Variants in MATN2 observed in about 807,000 individuals in gnomAD.
MATN2 encodes matrilin 2, also known as matrilin-2.
A neutral mutation model predicts 103.2 loss-of-function variants in MATN2; 69 were observed. That is an observed-to-expected ratio of 0.67 (90% CI 0.55 to 0.82). The LOEUF (loss-of-function observed/expected upper bound fraction) is 0.82. Ranked by LOEUF, MATN2 falls within the 40% of genes least tolerant of loss-of-function variation. MATN2 has a pLI of 0.00. For missense variants in MATN2, 1,023 were observed against 1,211.5 expected (o/e 0.84, Z 2.31); for synonymous variants, 429 against 450.2 (o/e 0.95, Z 0.60).
intron 18 of MATN2, chr8:98,034,072 A>G (rs536019601): frequency 1.4e-5 from 6 of 427,666 alleles, no homozygotes; most frequent in Non-Finnish European, 2.3e-5. Context: ...CAGTACTCCA[A>G]ACTTTTCCTT....
chr8:97,994,177 A>C (rs1812491038), intron 6 of MATN2, among the ~76,000 whole-genome samples: 1 of 137,152 alleles, frequency 7.3e-6, no homozygotes, highest in South Asian at 2.7e-4. Context: ...GAGGGAAAGA[A>C]GAGGAGGAGG....
chr8:97,888,125 T>C lies in MATN2; in HGVS notation c.25T>C (p.Phe9Leu). 2 of 1,607,636 alleles carry C rather than the reference T, an allele frequency of 1.2e-6. No individual in the cohort carries two copies. The highest frequency in any genetic ancestry group is 1.1e-5 in the South Asian group (1 of 89,876). Residue 9 changes from phenylalanine to leucine, a missense_variant, in exon 2 of 19, where the codon TTT becomes CTT. Physicochemically the swap from Phe to Leu is conservative, Grantham distance 22 (BLOSUM62 0). Transcript: ENST00000254898. MEKMLAGC[F>L]LLILGQIVLL... is the part of the protein sequence containing the mutation. ...AATGGAAAAGATGCTCGCAGGCTGC[T>C]TTCTGCTGATCCTCGGACAGATCGT...
At chr8:97,895,271 G>A (rs903463294) in intron 2 of MATN2, among the ~76,000 whole-genome samples, 2 of 152,158 alleles carry the variant, frequency 1.3e-5, no homozygotes, top group African/African-American at 4.8e-5. Flanking sequence ...TGTGAAGGAC[G>A]GAAAGCAGAT....
chr8:98,035,710 TGAA>T lies in MATN2; in HGVS notation c.*1_*3del. 1 of 1,595,578 alleles carries T rather than the reference TGAA, an allele frequency of 6.3e-7. No individual in the cohort carries two copies. ...CCTGGAAAATCGCCTGAGATACAGATGAAGATTAGAAATCGCGACACATTTGTA... is the reference window on the plus strand; with the variant it reads ...CCTGGAAAATCGCCTGAGATACAGATGATTAGAAATCGCGACACATTTGTA... On this transcript the variant is annotated stop_retained_variant and 3_prime_UTR_variant, in exon 19 of 19. Transcript: ENST00000254898.
chr8:98,023,706 G>A (rs1813684031), intron 13 of MATN2, among the ~76,000 whole-genome samples: 1 of 152,048 alleles, frequency 6.6e-6, no homozygotes, highest in African/African-American at 2.4e-5. Flanking sequence ...AAATAAAGGT[G>A]TTGAGCCCAG....
At chr8:98,009,453 CT>C (rs529031873) in intron 10 of MATN2, among the ~76,000 whole-genome samples, 62 of 152,284 alleles carry the variant, frequency 4.1e-4, no homozygotes, top group South Asian at 2.3e-3. Flanking sequence ...GTCCTTGGCT[CT>C]TTATAGAGGC....
chr8:97,975,603 T>C (rs1197021106), intron 5 of MATN2, among the ~76,000 whole-genome samples: 1 of 152,198 alleles, frequency 6.6e-6, no homozygotes, highest in African/African-American at 2.4e-5. Flanking sequence ...TCCTACAATT[T>C]GGAAGTCAGA....
At chr8:97,983,506 A>G (rs1812093251) in intron 6 of MATN2, among the ~76,000 whole-genome samples, 1 of 152,204 alleles carries the variant, frequency 6.6e-6, no homozygotes, top group Admixed American at 6.5e-5. Context: ...TTCACCAGAA[A>G]GATCTATAGA....
At position 97,888,215 on chromosome 8, in the gene MATN2, C is replaced by A; in HGVS notation, c.115C>A (p.Arg39=). The change falls in exon 2 of 19, where the codon CGG becomes AGG. Residue 39 remains arginine (R), a synonymous_variant. Transcript: ENST00000254898. The stretch of plus-strand genomic sequence containing the variant: ...GTCCATCTCTAGGGGCAGACACGCT[C>A]GGACCCACCCGCAGACGGCCCTTCT... ...GRSISRGRHA[R]THPQTALLES... The A allele has an allele frequency of 6.3e-7, 1 of 1,580,744 alleles. No individual in the cohort carries two copies.
At chr8:98,004,220 A>G (rs1013805168) in intron 8 of MATN2, 2 of 180,672 alleles carry the variant, frequency 1.1e-5, no homozygotes, top group African/African-American at 4.7e-5. Context: ...CCTAGGAGGC[A>G]GAGGTGCAGT....
Position 97,969,874 on chromosome 8 carries a change from T to C in MATN2, c.958+8344T>C, listed in dbSNP as rs570511659. Among the ~76,000 whole-genome samples the C allele has an allele frequency of 1.8e-4, 27 of 151,626 alleles. 1 individual carries two copies. In the South Asian group the frequency reaches 5.7e-3, roughly 32 times the overall value. The stretch of plus-strand genomic sequence containing the variant: ...AGGGCAGATTTCAAGAGGCAGGGAG[T>C]GGGTGACAAGAAAGTGTGGGCAGCA... On this transcript the variant is annotated intron_variant, in intron 5 of 18. Transcript: ENST00000254898.
Position 98,032,337 on chromosome 8 carries a change from G to C in MATN2, c.2581+20G>C. 1 of 1,594,446 alleles carries C rather than the reference G, an allele frequency of 6.3e-7. No homozygotes were observed. Among genetic ancestry groups the C allele is most frequent in the Non-Finnish European group, 8.6e-7 (1 of 1,169,290 alleles). ...CAACAGGTACAGTTTTTAAGGCAGT[G>C]TTTTTAGAAATTTTGGTGGAGGGAA... On this transcript the variant is annotated intron_variant, in intron 16 of 18. Coordinates refer to ENST00000254898, the MANE Select transcript of MATN2 (RefSeq NM_002380.5).
intron 2 of MATN2, among the ~76,000 whole-genome samples, chr8:97,901,011 C>G (rs966504636): frequency 6.6e-6 from 1 of 152,128 alleles, no homozygotes; most frequent in African/African-American, 2.4e-5. Context: ...GATGAGGAAT[C>G]CTTAAATCTT....
chr8:98,003,838 G>A (rs1450541247), intron 8 of MATN2, 55 bp downstream of exon 8: 1 of 1,607,422 alleles, frequency 6.2e-7, no homozygotes, highest in East Asian at 2.2e-5. Flanking sequence ...ACTCATGGGG[G>A]CGGGCGGGTT....
chr8:97,953,377 C>T (rs894603963), intron 4 of MATN2, among the ~76,000 whole-genome samples: 2 of 152,212 alleles, frequency 1.3e-5, no homozygotes, highest in African/African-American at 4.8e-5. Flanking sequence ...TTGTTGAATA[C>T]TTACTGTCAG....
At chr8:97,952,954 GCT>G (rs1342494951) in intron 4 of MATN2, among the ~76,000 whole-genome samples, 1 of 121,116 alleles carries the variant, frequency 8.3e-6, no homozygotes, top group Non-Finnish European at 1.6e-5. Flanking sequence ...ACAGGATCTC[GCT>G]CTGTCTCCCA....
intron 5 of MATN2, among the ~76,000 whole-genome samples, chr8:97,967,219 G>A (rs964093091): frequency 6.6e-6 from 1 of 152,246 alleles, no homozygotes; most frequent in African/African-American, 2.4e-5. Context: ...TGGGAATCAC[G>A]TTTCAACATC....
In MATN2 at chr8:98,021,188, C is replaced by T. The variant is rs372872863; in HGVS notation, c.1820-17C>T. 5.6e-6 allele frequency: 9 copies of T among 1,611,836 alleles called. No homozygotes were observed. Among genetic ancestry groups the T allele is most frequent in the African/African-American group, 1.3e-5 (1 of 74,900 alleles). On this transcript the variant is annotated splice_polypyrimidine_tract_variant and intron_variant, in intron 12 of 18. Coordinates refer to ENST00000254898, the MANE Select transcript of MATN2 (RefSeq NM_002380.5). ...TCTACACTGATGGGATTGTTCAACT[C>T]CCTACATTTTCCTCAGGGAAGGATG... is the stretch of plus-strand genomic sequence containing the variant.
At chr8:98,018,231 T>C in intron 12 of MATN2, 115 bp downstream of exon 12, 1 of 1,335,668 alleles carries the variant, frequency 7.5e-7, no homozygotes, top group South Asian at 1.3e-5. Context: ...TGTCAGTTCC[T>C]GCCTTGGGTG....
Sources: allele counts gnomAD v4.1 joint callset (sites outside exome capture counted in the v4.1 genomes callset), GRCh38; gene constraint gnomAD v4.1.1; transcripts MANE v1.5; gene names NCBI Gene and HGNC (gene_info 2026-07-23, HGNC 2026-07-21).